The following ZNF701 variants were observed in gnomAD, a reference collection of about 807,000 sequenced individuals.
ZNF701 encodes the protein zinc finger protein 701.
In ZNF701, 6 loss-of-function variants were observed where a neutral mutation model predicts 7.1. The ratio of observed to expected loss-of-function variants is 0.84; its 90% CI spans 0.46 to 1.66. The LOEUF (loss-of-function observed/expected upper bound fraction) is 1.66. Among genes scored for constraint, ZNF701 ranks in the 40% most tolerant of loss-of-function variants. ZNF701 has a pLI of 0.01. For synonymous variants in ZNF701, 166 were observed against 188.2 expected (o/e 0.88, Z 0.97); for missense variants, 541 against 559.2 (o/e 0.97, Z 0.33).
Position 52,583,012 on chromosome 19 carries a change from G to A in ZNF701, c.953G>A (p.Arg318Lys), listed in dbSNP as rs1333474077. The A allele has an allele frequency of 1.9e-6, 3 of 1,613,892 alleles. No individual in the cohort carries two copies. The highest frequency in any genetic ancestry group is 1.7e-4 in the Middle Eastern group (1 of 6,058). The change falls in exon 4 of 4, where the codon AGA (arginine) becomes AAA (lysine). Residue 318 changes from arginine to lysine, a missense_variant. By Grantham distance (26) the Arg-to-Lys change is conservative. Coordinates refer to ENST00000391785, the MANE Select transcript of ZNF701 (RefSeq NM_018260.3). The stretch of plus-strand genomic sequence containing the variant: ...CAATCAAACCTTGCACGTCATCATA[G>A]AGTTCATACTGGAGAGAAACCTTAC... ...NQQSNLARHH[R>K]VHTGEKPYKC...
intron 3 of ZNF701, among the ~76,000 whole-genome samples, chr19:52,577,813 G>C (rs953962619): frequency 3.2e-4 from 49 of 152,104 alleles, no homozygotes; most frequent in African/African-American, 6.3e-4. Flanking sequence ...GCAGTCATCC[G>C]GAGGCCTAAA....
intron 1 of ZNF701, chr19:52,573,087 C>G (rs2059911076): frequency 4.8e-6 from 1 of 209,216 alleles, no homozygotes; most frequent in South Asian, 6.9e-5. Context: ...TTTCTTTTTC[C>G]AAAGAGTCTC....
At chr19:52,575,417 G>A (rs1039729816) in intron 2 of ZNF701, among the ~76,000 whole-genome samples, 6 of 151,070 alleles carry the variant, frequency 4.0e-5, no homozygotes, top group African/African-American at 1.2e-4. Flanking sequence ...GTATTAACGT[G>A]GTTTTTTGTG....
rs2059993024 is a variant in ZNF701 at position 52,583,913 on chromosome 19, T to C, written c.*456T>C. ...TGGCAAGTTTTTCAGACATCATTCA[T>C]AACTTGCAGTTCATTGGCGATCTTA... On this transcript the variant is annotated 3_prime_UTR_variant, in exon 4 of 4. Coordinates refer to ENST00000391785, the MANE Select transcript of ZNF701 (RefSeq NM_018260.3). 2.4e-6 allele frequency: 1 copy of C among 408,876 alleles called. No homozygotes were observed. The highest frequency in any genetic ancestry group is 4.9e-6 in the Non-Finnish European group (1 of 205,202). The allele number at this position is 408,876 out of a possible 1,614,324, so 25.3% of individuals were successfully genotyped here. A position where few individuals can be genotyped will look rare whatever the true frequency, so the allele number is the denominator to read the frequency against.
chr19:52,591,422 C>T (rs1317097464), downstream of ZNF701, among the ~76,000 whole-genome samples: 1 of 152,136 alleles, frequency 6.6e-6, no homozygotes, highest in Non-Finnish European at 1.5e-5. Context: ...CTTAAGTAAT[C>T]CACCCACCTT....
chr19:52,576,456 G>A (rs549666519), intron 3 of ZNF701, among the ~76,000 whole-genome samples: 15 of 152,106 alleles, frequency 9.9e-5, no homozygotes, highest in African/African-American at 3.1e-4. Flanking sequence ...AAAGAGAATC[G>A]CTTGATCCCG....
chr19:52,587,196 A>G (rs1791987397), downstream of ZNF701: 2 of 152,234 alleles, frequency 1.3e-5, no homozygotes, highest in African/African-American at 4.8e-5. Flanking sequence ...TATAATGTAA[A>G]GAGAAAATTA....
At chr19:52,598,262 A>G in the ZNF701 span, among the ~76,000 whole-genome samples, 2 of 152,202 alleles carry the variant, frequency 1.3e-5, no homozygotes, top group African/African-American at 4.8e-5. Context: ...AATATTTCAA[A>G]CAATCGAAGG....
intron 3 of ZNF701, among the ~76,000 whole-genome samples, chr19:52,578,848 C>T (rs1282681466): frequency 2.0e-5 from 3 of 152,120 alleles, no homozygotes; most frequent in Non-Finnish European, 2.9e-5. Context: ...AGCTCCACCT[C>T]CCGGGTTCAC....
chr19:52,587,615 C>CT (rs2060019955), downstream of ZNF701, among the ~76,000 whole-genome samples: 1 of 152,200 alleles, frequency 6.6e-6, no homozygotes, highest in African/African-American at 2.4e-5. Flanking sequence ...CTGTGTGATT[C>CT]TTTTAGCTCC....
At chr19:52,595,779 A>G in the ZNF701 span, 11 of 1,599,662 alleles carry the variant, frequency 6.9e-6, no homozygotes, top group Non-Finnish European at 9.4e-6. Flanking sequence ...TTTCAGTGGC[A>G]AGAAATTTAA....
At chr19:52,571,233 TGAGAGAGA>T (rs3837922) in intron 1 of ZNF701, among the ~76,000 whole-genome samples, 4 of 142,050 alleles carry the variant, frequency 2.8e-5, no homozygotes, top group Admixed American at 7.0e-5. Flanking sequence ...CTCATCAGAG[TGAGAGAGA>T]GAGAGAGAGA....
chr19:52,595,522 G>A, the ZNF701 span: 426 of 468,746 alleles, frequency 9.1e-4, 5 homozygotes, highest in Middle Eastern at 8.0e-3. Context: ...CACCTGCCTC[G>A]TCCTCCCAAA....
chr19:52,592,876 A>G, the ZNF701 span, among the ~76,000 whole-genome samples: 1 of 83,588 alleles, frequency 1.2e-5, no homozygotes, highest in Admixed American at 1.3e-4. Flanking sequence ...AGGTCAGCAG[A>G]TAAACAAGTG....
chr19:52,582,992 A>G lies in ZNF701; in HGVS notation c.933A>G (p.Ser311=), dbSNP rs1310254350. 6.2e-7 allele frequency: 1 copy of G among 1,613,950 alleles called. No homozygotes were observed. The highest frequency in any genetic ancestry group is 8.5e-7 in the Non-Finnish European group (1 of 1,179,984). Residue 311 remains serine, a synonymous_variant, in exon 4 of 4, where the codon TCA becomes TCG. Transcript: ENST00000391785. ...NECGKVFNQQ[S]NLARHHRVHT... is the part of the protein sequence containing the mutation. Reference sequence around the variant, plus strand: ...GTGGCAAGGTTTTTAATCAACAATCAAACCTTGCACGTCATCATAGAGTTC... The same window carrying G: ...GTGGCAAGGTTTTTAATCAACAATCGAACCTTGCACGTCATCATAGAGTTC...
At position 52,576,613 on chromosome 19, in the gene ZNF701, C is replaced by T. The variant is rs189766621; in HGVS notation, c.142+592C>T. ...TTCCTGTTTGCTTTTCCTGTGCTTT[C>T]GATTCAGTAGTTCTTGGAAGAGAGC... On this transcript the variant is annotated intron_variant, in intron 3 of 3. Coordinates refer to ENST00000391785, the MANE Select transcript of ZNF701 (RefSeq NM_018260.3). Among the ~76,000 whole-genome samples the T allele has an allele frequency of 2.4e-4, 35 of 144,088 alleles. 1 individual carries two copies. Among genetic ancestry groups the T allele is most frequent in the African/African-American group, 8.6e-4 (29 of 33,810 alleles). The allele number at this position is 144,088 out of a possible 152,430, so 94.5% of individuals were successfully genotyped here.
At chr19:52,599,810 A>G in the ZNF701 span, among the ~76,000 whole-genome samples, 4 of 152,200 alleles carry the variant, frequency 2.6e-5, no homozygotes, top group Non-Finnish European at 4.4e-5. Flanking sequence ...GTCGGATTGT[A>G]GGAGCCTCAC....
chr19:52,588,815 C>A (rs1024360589), downstream of ZNF701, among the ~76,000 whole-genome samples: 1 of 152,174 alleles, frequency 6.6e-6, no homozygotes, highest in African/African-American at 2.4e-5. Context: ...GCAATCTGGG[C>A]TCACTGCAAC....
At chr19:52,599,340 C>T in the ZNF701 span, among the ~76,000 whole-genome samples, 13 of 152,102 alleles carry the variant, frequency 8.5e-5, no homozygotes, top group Admixed American at 5.9e-4. Context: ...ATAATTCAAA[C>T]ATCAAATAAC....
Sources: allele counts gnomAD v4.1 joint callset (sites outside exome capture counted in the v4.1 genomes callset), GRCh38; gene constraint gnomAD v4.1.1; transcripts MANE v1.5; gene names NCBI Gene and HGNC (gene_info 2026-07-23, HGNC 2026-07-21).